Variants in TP73 observed in about 807,000 individuals in gnomAD.
TP73 encodes the protein tumor protein p73.
In TP73, 25 loss-of-function variants were observed where a neutral mutation model predicts 62.5. The ratio of observed to expected loss-of-function variants is 0.40; its 90% confidence interval spans 0.29 to 0.56. The LOEUF (loss-of-function observed/expected upper bound fraction) is 0.56, where lower values mean the gene tolerates loss of function less well. Ranked by LOEUF, TP73 falls within the 20% of genes least tolerant of loss-of-function variation. The probability of loss-of-function intolerance (pLI) is 0.46; values close to 1 mark genes in which losing one functional copy is unlikely to be tolerated. For missense variants in TP73, 754 were observed against 913.3 expected (o/e 0.83, Z 2.25); for synonymous variants, 423 against 377.5 (o/e 1.12, Z -1.40).
intron 3 of TP73, among the ~76,000 whole-genome samples, chr1:3,705,648 TG>T (rs1639565760): frequency 6.6e-6 from 1 of 152,240 alleles, no homozygotes; most frequent in Non-Finnish European, 1.5e-5. Context: ...TGGCCTTTGG[TG>T]GCCCTGGGAA....
rs78826500 is a variant in TP73, at chr1:3,666,645, G to A, written c.-34+14004G>A. ...CCTCCCTGGCCTTGGCTGCAGGCTAGGGTGCCCTTTGACCTCAAAGAGGCC... is the reference window on the plus strand; with the variant it reads ...CCTCCCTGGCCTTGGCTGCAGGCTAAGGTGCCCTTTGACCTCAAAGAGGCC... On this transcript the variant is annotated intron_variant, in intron 1 of 13. Coordinates refer to ENST00000378295, the MANE Select transcript of TP73 (RefSeq NM_005427.4). The surrounding 1 kb of genome is among the most constrained non-coding windows in gnomAD (Gnocchi z 6.4). Among the ~76,000 whole-genome samples the A allele has an allele frequency of 0.038, 5,771 of 152,182 alleles. 155 individuals are homozygous for A. Among genetic ancestry groups the A allele is most frequent in the South Asian group, 0.078 (378 of 4,826 alleles).
In TP73 at chr1:3,672,947, C is replaced by T. The variant is rs1645275922; in HGVS notation, c.-33-9386C>T. 6.6e-6 allele frequency among the ~76,000 whole-genome samples: 1 copy of T among 152,236 alleles called. No homozygotes were observed. Among genetic ancestry groups the T allele is most frequent in the Admixed American group, 6.5e-5 (1 of 15,290 alleles). Reference sequence around the variant, plus strand: ...CAGGAGCACCGCCCACTCCAAGGCGCAAGCAAGCTGGGGCTGGGGTGCAGA... The same window carrying T: ...CAGGAGCACCGCCCACTCCAAGGCGTAAGCAAGCTGGGGCTGGGGTGCAGA... On this transcript the variant is annotated intron_variant, in intron 1 of 13. Transcript: ENST00000378295. This position sits in a 1 kb window ranked among gnomAD's most constrained non-coding sequence, Gnocchi z 5.3.
At chr1:3,692,195 G>A (rs1016210925) in intron 3 of TP73, among the ~76,000 whole-genome samples, 4 of 152,218 alleles carry the variant, frequency 2.6e-5, no homozygotes, top group African/African-American at 2.4e-5. Context: ...ACGTGTGTCC[G>A]TATGTGTGTT....
chr1:3,729,552 G>C (rs1353251864), intron 10 of TP73, 104 bp downstream of exon 10: 1 of 1,583,402 alleles, frequency 6.3e-7, no homozygotes, highest in Non-Finnish European at 8.6e-7. Context: ...GGCATCATCT[G>C]CCAGGGACAG....
chr1:3,692,083 G>A (rs956986646), intron 3 of TP73, among the ~76,000 whole-genome samples: 2 of 152,170 alleles, frequency 1.3e-5, no homozygotes, highest in African/African-American at 2.4e-5. Flanking sequence ...ACAGGCTGGT[G>A]TGTGTGTATG....
intron 3 of TP73, among the ~76,000 whole-genome samples, chr1:3,692,641 G>T (rs757158026): frequency 3.3e-5 from 5 of 152,142 alleles, no homozygotes; most frequent in South Asian, 2.1e-4. Flanking sequence ...CTGCTGGACC[G>T]CCTGGAACCC....
At position 3,683,283 on chromosome 1, in the gene TP73, T is replaced by G. The variant is rs940119982; in HGVS notation, c.186+103T>G. ...GCAGAACCAGGAGATAGCCTCTTGG[T>G]TGTACAGCTTCCCCTGTGGGTTTCT... On this transcript the variant is annotated intron_variant, in intron 3 of 13. Coordinates refer to ENST00000378295, the MANE Select transcript of TP73 (RefSeq NM_005427.4). 3.5e-6 allele frequency: 5 copies of G among 1,416,544 alleles called. No homozygotes were observed. The East Asian group carries it at 1.2e-4, about 34-fold the overall frequency. 87.7% of individuals were successfully genotyped at this position (1,416,544 alleles called of 1,614,324 possible).
chr1:3,678,636 G>A lies in TP73; in HGVS notation c.-33-3697G>A, dbSNP rs980710789. 5.3e-5 allele frequency among the ~76,000 whole-genome samples: 8 copies of A among 152,380 alleles called. No homozygotes were observed. In the East Asian group the frequency reaches 5.8e-4, roughly 11 times the overall value. On this transcript the variant is annotated intron_variant, in intron 1 of 13. Coordinates refer to ENST00000378295, the MANE Select transcript of TP73 (RefSeq NM_005427.4). ...TCCGGGTCCTGGTTTTGGCTAATGA[G>A]GAACCCGATTCCCATGGGGGAGGCC...
rs1236216490 is a variant in TP73 at position 3,733,291 on chromosome 1, CCTT to C, written c.*215_*217del. Reference sequence around the variant, plus strand: ...TGGACAGCCTGAGTCACCTGCAGAACCTTCTGGAGCTGCCCTAGTGCTGGGCTT... The same window carrying C: ...TGGACAGCCTGAGTCACCTGCAGAACCTGGAGCTGCCCTAGTGCTGGGCTT... On this transcript the variant is annotated 3_prime_UTR_variant, in exon 14 of 14. Transcript: ENST00000378295. The C allele has an allele frequency of 3.2e-6, 2 of 623,896 alleles. No homozygotes were observed. The highest frequency in any genetic ancestry group is 3.7e-5 in the African/African-American group (2 of 54,274). 38.6% of individuals were successfully genotyped at this position (623,896 alleles called of 1,614,324 possible). A position where few individuals can be genotyped will look rare whatever the true frequency, so the allele number is the denominator to read the frequency against.
intron 1 of TP73, among the ~76,000 whole-genome samples, chr1:3,667,220 C>CA (rs1428636474): frequency 6.6e-6 from 1 of 152,210 alleles, no homozygotes; most frequent in Non-Finnish European, 1.5e-5. Flanking sequence ...CAGGGCCCCC[C>CA]AAAGACAGGA....
rs948829253 is a variant in TP73, at chr1:3,732,653, G to A, written c.1579-94G>A. On this transcript the variant is annotated intron_variant, in intron 13 of 13. Coordinates refer to ENST00000378295, the MANE Select transcript of TP73 (RefSeq NM_005427.4). ...ACTCTGGTTGGGGGTGTAGGGGCCA[G>A]GGTGTGGTGTGGCCAGACCTCCAGG... The A allele has an allele frequency of 2.0e-5, 23 of 1,157,166 alleles. 1 individual carries two copies. The highest frequency in any genetic ancestry group is 2.7e-4 in the Middle Eastern group (1 of 3,662). The allele number at this position is 1,157,166 out of a possible 1,614,324, so 71.7% of individuals were successfully genotyped here. A position where few individuals can be genotyped will look rare whatever the true frequency, so the allele number is the denominator to read the frequency against.
At chr1:3,726,749 G>A (rs1421482130) in intron 6 of TP73, among the ~76,000 whole-genome samples, 1 of 149,696 alleles carries the variant, frequency 6.7e-6, no homozygotes, top group Admixed American at 6.6e-5. Flanking sequence ...GTTGGTGGAT[G>A]GATGCATGGA....
intron 4 of TP73, among the ~76,000 whole-genome samples, chr1:3,717,344 GTC>G (rs1640690301): frequency 6.6e-6 from 1 of 152,212 alleles, no homozygotes; most frequent in Non-Finnish European, 1.5e-5. Context: ...GGAGAGGAGG[GTC>G]GGAGAGGAGC....
At chr1:3,677,897 G>T (rs1248477611) in intron 1 of TP73, among the ~76,000 whole-genome samples, 1 of 151,984 alleles carries the variant, frequency 6.6e-6, no homozygotes, top group East Asian at 1.9e-4. Context: ...GAGAGCTGAG[G>T]TCTCCCTGTG....
intron 1 of TP73, 139 bp downstream of exon 1, chr1:3,652,780 C>CA (rs1644781997): frequency 6.6e-6 from 1 of 152,444 alleles, no homozygotes; most frequent in Non-Finnish European, 1.5e-5. Context: ...GACAAGGCGA[C>CA]ACAGGGGCTC....
At chr1:3,704,842 CA>C (rs532073971) in intron 3 of TP73, among the ~76,000 whole-genome samples, 115 of 152,306 alleles carry the variant, frequency 7.6e-4, no homozygotes, top group African/African-American at 2.7e-3. Flanking sequence ...GTAGCTGAGG[CA>C]GGGGTCCATC....
chr1:3,697,241 G>A (rs1474741493), intron 3 of TP73, among the ~76,000 whole-genome samples: 1 of 152,182 alleles, frequency 6.6e-6, no homozygotes, highest in Non-Finnish European at 1.5e-5. Context: ...CTTTGCTGAC[G>A]CCCGCCCTGT....
chr1:3,671,990 G>A (rs1374484292), intron 1 of TP73, among the ~76,000 whole-genome samples: 3 of 152,106 alleles, frequency 2.0e-5, no homozygotes, highest in East Asian at 3.9e-4. Context: ...GAGTCAGGGC[G>A]GGACTCAGAG....
At position 3,672,436 on chromosome 1, in the gene TP73, GT is replaced by G. The variant is rs1645262641; in HGVS notation, c.-33-9896del. On this transcript the variant is annotated intron_variant, in intron 1 of 13. Coordinates refer to ENST00000378295, the MANE Select transcript of TP73 (RefSeq NM_005427.4). The surrounding 1 kb of genome is among the most constrained non-coding windows in gnomAD (Gnocchi z 5.3). Reference sequence around the variant, plus strand: ...GGGGGCAGAGGACAGGGATGTGTCTGTGCAGAACGAGGCTGTGGCAGCTCCA... The same window carrying G: ...GGGGGCAGAGGACAGGGATGTGTCTGGCAGAACGAGGCTGTGGCAGCTCCA... Among the ~76,000 whole-genome samples the G allele has an allele frequency of 6.6e-6, 1 of 152,108 alleles. No homozygotes were observed. The highest frequency in any genetic ancestry group is 1.5e-5 in the Non-Finnish European group (1 of 67,998).
Sources: allele counts gnomAD v4.1 joint callset (sites outside exome capture counted in the v4.1 genomes callset), GRCh38; gene constraint gnomAD v4.1.1; non-coding constraint Gnocchi (gnomAD v3.1); transcripts MANE v1.5; gene names NCBI Gene and HGNC (gene_info 2026-07-23, HGNC 2026-07-21).